CUL3: variants seen among roughly 807,000 people sequenced by gnomAD.
CUL3 encodes cullin-3.
Under a neutral mutation model 89.1 loss-of-function variants are expected in CUL3, and 19 were observed. That is an observed-to-expected ratio of 0.21 (90% CI 0.15 to 0.31). The LOEUF (loss-of-function observed/expected upper bound fraction) is 0.31, where lower values mean the gene tolerates loss of function less well. CUL3 is among the 10% of genes least tolerant of loss of function. The pLI is 1.00. For synonymous variants in CUL3, 351 were observed against 308.4 expected (o/e 1.14, Z -1.45); for missense variants, 469 against 942.3 (o/e 0.50, Z 6.58).
At chr2:224,491,129 A>G (rs1691957795) in intron 13 of CUL3, among the ~76,000 whole-genome samples, 1 of 152,274 alleles carries the variant, frequency 6.6e-6, no homozygotes, top group African/African-American at 2.4e-5. Context: ...TCTGGTCCAG[A>G]TGAATTATGG....
Position 224,546,388 on chromosome 2 carries a change from C to CGA in CUL3, c.265-10748_265-10747insTC, listed in dbSNP as rs1450354852. On this transcript the variant is annotated intron_variant, in intron 2 of 15. Coordinates refer to ENST00000264414, the MANE Select transcript of CUL3 (RefSeq NM_003590.5). ...ACAGAAGCATATAGCCCGATAATCA[C>CGA]CTGTGTTTTTAAATGGTTGTCAGAT... Among the ~76,000 whole-genome samples, 4 of 152,002 alleles carry CGA rather than the reference C, an allele frequency of 2.6e-5. No individual in the cohort carries two copies. The South Asian group carries it at 8.3e-4, about 31-fold the overall frequency.
rs544531630 is a variant in CUL3, at chr2:224,473,899, C to A, written c.*346G>T. ...AACACATTTACATCAACACTGAAGACCTGGGGAAATGAAATCCAACAATTT... is the reference window on the plus strand; with the variant it reads ...AACACATTTACATCAACACTGAAGAACTGGGGAAATGAAATCCAACAATTT... On this transcript the variant is annotated 3_prime_UTR_variant, in exon 16 of 16. Transcript: ENST00000264414. The A allele has an allele frequency of 5.7e-5, 13 of 228,064 alleles. No individual in the cohort carries two copies. The highest frequency in any genetic ancestry group is 2.4e-4 in the African/African-American group (11 of 44,920). The allele number at this position is 228,064 out of a possible 1,614,324, so 14.1% of individuals were successfully genotyped here. A position where few individuals can be genotyped will look rare whatever the true frequency, so the allele number is the denominator to read the frequency against.
chr2:224,489,475 CA>C (rs1195178363), intron 13 of CUL3, among the ~76,000 whole-genome samples: 1 of 152,050 alleles, frequency 6.6e-6, no homozygotes, highest in Non-Finnish European at 1.5e-5. Context: ...GACAAACAGC[CA>C]AATCACGAGT....
chr2:224,482,991 T>C (rs1397335746), intron 13 of CUL3, among the ~76,000 whole-genome samples: 2 of 152,140 alleles, frequency 1.3e-5, no homozygotes, highest in African/African-American at 4.8e-5. Flanking sequence ...AGTCATTCTC[T>C]CTAGACAAGT....
rs756464283 is a variant in CUL3 at position 224,511,602 on chromosome 2, A to G, written c.655-20T>C. ...TTCCATCTGCCATTTAAAAATATAT[A>G]TATTTTTTAAACATAGAAGAAAAGA... On this transcript the variant is annotated intron_variant, in intron 5 of 15. Coordinates refer to ENST00000264414, the MANE Select transcript of CUL3 (RefSeq NM_003590.5). The G allele has an allele frequency of 1.1e-5, 15 of 1,353,596 alleles. No individual in the cohort carries two copies. Among genetic ancestry groups the G allele is most frequent in the South Asian group, 4.1e-5 (3 of 73,536 alleles). The allele number at this position is 1,353,596 out of a possible 1,614,324, so 83.8% of individuals were successfully genotyped here.
chr2:224,580,662 C>T (rs929956574), intron 1 of CUL3, among the ~76,000 whole-genome samples: 7 of 151,358 alleles, frequency 4.6e-5, no homozygotes, highest in South Asian at 2.1e-4. Flanking sequence ...CTAGCCTGGG[C>T]GACAGAGCAA....
chr2:224,522,954 T>G (rs1025035299), intron 3 of CUL3, among the ~76,000 whole-genome samples: 1 of 152,200 alleles, frequency 6.6e-6, no homozygotes, highest in African/African-American at 2.4e-5. Context: ...ATCAAACCCA[T>G]GTTTCTCTAA....
chr2:224,553,562 T>C (rs1574688457), intron 2 of CUL3, among the ~76,000 whole-genome samples: 2 of 152,352 alleles, frequency 1.3e-5, no homozygotes, highest in East Asian at 1.9e-4. Context: ...ATGTTTGTGT[T>C]ATTCAAATTC....
intron 1 of CUL3, among the ~76,000 whole-genome samples, chr2:224,572,529 T>C (rs904093218): frequency 6.8e-6 from 1 of 147,680 alleles, no homozygotes; most frequent in Non-Finnish European, 1.5e-5. Flanking sequence ...TCGTCCCAGC[T>C]ACCCAGGAGG....
chr2:224,545,742 T>C (rs1435072796), intron 2 of CUL3, among the ~76,000 whole-genome samples: 4 of 152,154 alleles, frequency 2.6e-5, no homozygotes, highest in African/African-American at 7.2e-5. Flanking sequence ...GAGCCTAATA[T>C]TAGCATTCAA....
intron 6 of CUL3, among the ~76,000 whole-genome samples, chr2:224,510,035 GT>G (rs903911684): frequency 6.6e-6 from 1 of 152,008 alleles, no homozygotes; most frequent in Non-Finnish European, 1.5e-5. Context: ...TGAAATTCAA[GT>G]TTCAGGGCCC....
chr2:224,525,880 A>C (rs1420154495), intron 3 of CUL3, among the ~76,000 whole-genome samples: 7 of 152,244 alleles, frequency 4.6e-5, no homozygotes, highest in Admixed American at 3.9e-4. Context: ...TATAAAACTT[A>C]AGAGCTAAAA....
chr2:224,574,304 C>T (rs13027403), intron 1 of CUL3, among the ~76,000 whole-genome samples: 14,459 of 152,102 alleles, frequency 0.095, 911 homozygotes, highest in East Asian at 0.26. Flanking sequence ...TGCTTAGTTA[C>T]ATTTTCAACT....
At chr2:224,561,338 G>T (rs921640549) in intron 1 of CUL3, among the ~76,000 whole-genome samples, 2 of 152,174 alleles carry the variant, frequency 1.3e-5, no homozygotes, top group African/African-American at 2.4e-5. Flanking sequence ...AAGCAACATT[G>T]ATCAGCTTCA....
chr2:224,539,842 C>T (rs1694030293), intron 2 of CUL3, among the ~76,000 whole-genome samples: 1 of 151,606 alleles, frequency 6.6e-6, no homozygotes, highest in African/African-American at 2.4e-5. Flanking sequence ...CTGTACAATA[C>T]TATACTAGTG....
intron 13 of CUL3, among the ~76,000 whole-genome samples, chr2:224,484,582 A>T (rs1691649411): frequency 6.6e-6 from 1 of 152,156 alleles, no homozygotes; most frequent in Admixed American, 6.6e-5. Context: ...TTATGTGGTT[A>T]AATCTGTTAA....
Position 224,551,330 on chromosome 2 carries a change from T to A in CUL3, c.264+6329A>T, listed in dbSNP as rs375271087. Among the ~76,000 whole-genome samples the A allele has an allele frequency of 1.6e-4, 24 of 151,900 alleles. No homozygotes were observed. The East Asian group carries it at 3.9e-3, about 25-fold the overall frequency. On this transcript the variant is annotated intron_variant, in intron 2 of 15. Transcript: ENST00000264414. The stretch of plus-strand genomic sequence containing the variant: ...ACACCATTCTCCTGCCTCAGCCTCC[T>A]GTGTAGCTGGGACTACAGGTGCCCG...
chr2:224,562,170 T>C (rs537979787), intron 1 of CUL3, among the ~76,000 whole-genome samples: 1 of 152,298 alleles, frequency 6.6e-6, no homozygotes, highest in South Asian at 2.1e-4. Flanking sequence ...TCTCACATTA[T>C]TATAACATAA....
At chr2:224,480,383 C>T (rs1246288626) in intron 14 of CUL3, among the ~76,000 whole-genome samples, 1 of 151,936 alleles carries the variant, frequency 6.6e-6, no homozygotes, top group African/African-American at 2.4e-5. Context: ...GAGTAAGAGC[C>T]AAGATCATTT....
Sources: gnomAD v4.1 joint callset for allele counts (sites outside exome capture counted in the v4.1 genomes callset) on GRCh38, gnomAD v4.1.1 for gene constraint, MANE v1.5 for transcripts, NCBI Gene and HGNC (gene_info 2026-07-23, HGNC 2026-07-21) for gene names.